The following NELL2 variants were observed in gnomAD, a reference collection of about 807,000 sequenced individuals.
The protein encoded by NELL2 is protein kinase C-binding protein NELL2.
In NELL2, 41 loss-of-function variants were observed where a neutral mutation model predicts 109.6. That is an observed-to-expected ratio of 0.37 (90% CI 0.29 to 0.49). The LOEUF (loss-of-function observed/expected upper bound fraction) is 0.49. NELL2 is among the 20% of genes least tolerant of loss of function. The pLI is 0.98. For synonymous variants in NELL2, 355 were observed against 344.7 expected (o/e 1.03, Z -0.33); for missense variants, 900 against 1,008.3 (o/e 0.89, Z 1.45).
intron 3 of NELL2, among the ~76,000 whole-genome samples, chr12:44,815,038 T>C (rs1211441197): frequency 1.3e-5 from 2 of 152,208 alleles, no homozygotes; most frequent in Non-Finnish European, 2.9e-5. Context: ...AGATCTTAGG[T>C]GACTTCCCCA....
intron 15 of NELL2, among the ~76,000 whole-genome samples, chr12:44,606,531 C>G (rs555375488): frequency 6.6e-6 from 1 of 152,030 alleles, no homozygotes; most frequent in South Asian, 2.1e-4. Flanking sequence ...TTTTAAATTC[C>G]CAAGATGTGT....
chr12:44,884,633 C>T (rs777955303), intron 1 of NELL2, among the ~76,000 whole-genome samples: 5 of 151,812 alleles, frequency 3.3e-5, no homozygotes, highest in African/African-American at 4.9e-5. Context: ...TTGGAACATA[C>T]GAAATCCTAA....
chr12:44,663,848 C>T (rs1186840584), intron 13 of NELL2, among the ~76,000 whole-genome samples: 1 of 152,162 alleles, frequency 6.6e-6, no homozygotes, highest in Non-Finnish European at 1.5e-5. Context: ...AATTATGTCC[C>T]ATGTCCTTTC....
At chr12:44,864,997 G>C (rs1032673683) in intron 2 of NELL2, among the ~76,000 whole-genome samples, 6 of 140,066 alleles carry the variant, frequency 4.3e-5, no homozygotes, top group Non-Finnish European at 9.3e-5. Flanking sequence ...CAGTGTAAAA[G>C]TGTTCCTATT....
intron 9 of NELL2, among the ~76,000 whole-genome samples, chr12:44,746,474 T>G (rs1242487297): frequency 6.6e-6 from 1 of 152,174 alleles, no homozygotes; most frequent in East Asian, 1.9e-4. Flanking sequence ...CAAGAGCTTC[T>G]GCACAGCAAA....
chr12:44,764,506 C>T (rs10506257), intron 9 of NELL2, among the ~76,000 whole-genome samples: 33,363 of 152,112 alleles, frequency 0.22, 3,917 homozygotes, highest in East Asian at 0.27. Flanking sequence ...TACATAATCA[C>T]TAAACATATG....
chr12:44,857,589 G>T (rs902769360), intron 2 of NELL2, among the ~76,000 whole-genome samples: 2 of 152,074 alleles, frequency 1.3e-5, no homozygotes, highest in Admixed American at 1.3e-4. Flanking sequence ...GACAGAGCCA[G>T]GTAAAACAAT....
chr12:44,574,435 TG>T lies in NELL2; in HGVS notation c.1663+32733del, dbSNP rs1163585940. Among the ~76,000 whole-genome samples the T allele has an allele frequency of 2.0e-4, 31 of 152,320 alleles. No individual in the cohort carries two copies. The East Asian group carries it at 5.4e-3, about 27-fold the overall frequency. ...TTGACATCAAGGACTTTATTAATAT[TG>T]TCTTAAATTTAAAAATGCAGTGAAA... On this transcript the variant is annotated intron_variant, in intron 15 of 19. Transcript: ENST00000429094.
chr12:44,740,428 G>T (rs1285258947), intron 9 of NELL2, among the ~76,000 whole-genome samples: 1 of 152,064 alleles, frequency 6.6e-6, no homozygotes, highest in Non-Finnish European at 1.5e-5. Context: ...TCCTATCTGT[G>T]AACTACTTCT....
chr12:44,612,849 C>T (rs767329668), intron 13 of NELL2, among the ~76,000 whole-genome samples: 8 of 152,042 alleles, frequency 5.3e-5, no homozygotes, highest in Non-Finnish European at 7.4e-5. Context: ...CCATACTCAC[C>T]GGGTAGAGAA....
intron 9 of NELL2, among the ~76,000 whole-genome samples, chr12:44,771,883 A>C (rs79502723): frequency 6.6e-6 from 1 of 152,230 alleles, no homozygotes; most frequent in Non-Finnish European, 1.5e-5. Flanking sequence ...GCCTGAAAGC[A>C]TTAAAGGAAG....
chr12:44,870,979 A>C (rs1003286197), intron 2 of NELL2, among the ~76,000 whole-genome samples: 1 of 152,158 alleles, frequency 6.6e-6, no homozygotes, highest in Non-Finnish European at 1.5e-5. Flanking sequence ...AGTATAGCCT[A>C]CCATGTAACC....
intron 12 of NELL2, among the ~76,000 whole-genome samples, chr12:44,694,201 T>C (rs1288280781): frequency 6.6e-6 from 1 of 152,146 alleles, no homozygotes; most frequent in Non-Finnish European, 1.5e-5. Flanking sequence ...AAGCAGATTA[T>C]CCCTCCCTAA....
intron 9 of NELL2, among the ~76,000 whole-genome samples, chr12:44,749,749 T>C (rs1302682577): frequency 6.6e-6 from 1 of 151,948 alleles, no homozygotes; most frequent in Non-Finnish European, 1.5e-5. Flanking sequence ...AACTGTGACA[T>C]GAGAAGAGAA....
At chr12:44,541,921 G>A (rs1036911772) in intron 15 of NELL2, among the ~76,000 whole-genome samples, 2 of 152,102 alleles carry the variant, frequency 1.3e-5, no homozygotes, top group Non-Finnish European at 2.9e-5. Flanking sequence ...TTATTTAGGG[G>A]CAAAGCCAAG....
chr12:44,863,405 T>C (rs1458866875), intron 2 of NELL2, among the ~76,000 whole-genome samples: 1 of 152,050 alleles, frequency 6.6e-6, no homozygotes, highest in African/African-American at 2.4e-5. Flanking sequence ...ATCCTAAAAC[T>C]AGTAAAAGAA....
rs192346804 is a variant in NELL2, at chr12:44,815,706, A to C, written c.335+280T>G. ...TGATCTTGGCTCACTGCAACCTCCA[A>C]CTCCTGGGTTCAATCAATTTTCTTG... is the stretch of plus-strand genomic sequence containing the variant. On this transcript the variant is annotated intron_variant, in intron 3 of 19. Transcript: ENST00000429094. 4.8e-3 allele frequency among the ~76,000 whole-genome samples: 731 copies of C among 152,000 alleles called. 1 individual carries two copies. The highest frequency in any genetic ancestry group is 9.0e-3 in the Non-Finnish European group (609 of 67,956).
intron 15 of NELL2, among the ~76,000 whole-genome samples, chr12:44,605,310 C>T (rs925099755): frequency 6.6e-6 from 1 of 152,076 alleles, no homozygotes; most frequent in South Asian, 2.1e-4. Flanking sequence ...AAGAGAATGG[C>T]GAAGAGTAAG....
chr12:44,841,335 A>T (rs542860567), intron 2 of NELL2, among the ~76,000 whole-genome samples: 1 of 152,348 alleles, frequency 6.6e-6, no homozygotes, highest in South Asian at 2.1e-4. Flanking sequence ...CATGCTTTCA[A>T]GAATCTAACT....
Sources: gnomAD v4.1 joint callset for allele counts (sites outside exome capture counted in the v4.1 genomes callset) on GRCh38, gnomAD v4.1.1 for gene constraint, MANE v1.5 for transcripts, NCBI Gene and HGNC (gene_info 2026-07-23, HGNC 2026-07-21) for gene names.